The following CCDC171 variants were observed in gnomAD, a reference collection of about 807,000 sequenced individuals.
CCDC171 encodes the protein coiled-coil domain containing 171.
CCDC171 carries 177 observed loss-of-function variants against 168.2 expected under a neutral mutation model. That is an observed-to-expected ratio of 1.05 (90% confidence interval 0.93 to 1.19). The LOEUF (loss-of-function observed/expected upper bound fraction) is 1.19, where lower values mean the gene tolerates loss of function less well. CCDC171 is among the 50% of genes most tolerant of loss of function. CCDC171 has a pLI of 0.00. For synonymous variants in CCDC171, 687 were observed against 540.8 expected, an observed-to-expected ratio of 1.27 and a Z score of -3.75; for missense variants, 1,991 against 1,539.0, an observed-to-expected ratio of 1.29 and a Z score of -4.91.
At chr9:15,817,827 G>T (rs1327318101) in intron 21 of CCDC171, among the ~76,000 whole-genome samples, 1 of 118,328 alleles carries the variant, frequency 8.5e-6, no homozygotes, top group Non-Finnish European at 1.9e-5. Context: ...GTCCCTGTCT[G>T]ACAGCTTTGA....
chr9:15,820,737 C>G lies in CCDC171; in HGVS notation c.3268-25965C>G, dbSNP rs1452034863. 1.7e-4 allele frequency among the ~76,000 whole-genome samples: 20 copies of G among 117,316 alleles called. 6 individuals are homozygous for G. The highest frequency in any genetic ancestry group is 1.5e-3 in the Admixed American group (18 of 12,392). The allele number at this position is 117,316 out of a possible 152,430, so 77.0% of individuals were successfully genotyped here. A position where few individuals can be genotyped will look rare whatever the true frequency, so the allele number is the denominator to read the frequency against. On this transcript the variant is annotated intron_variant, in intron 21 of 25. Transcript: ENST00000380701. Reference sequence around the variant, plus strand: ...AAAAGTCCAGGACCAGATGGATTCACAGCCGAATTCTACCAGAGGTACAGG... The same window carrying G: ...AAAAGTCCAGGACCAGATGGATTCAGAGCCGAATTCTACCAGAGGTACAGG...
chr9:15,832,908 A>G (rs1452997753), intron 21 of CCDC171, among the ~76,000 whole-genome samples: 1 of 147,170 alleles, frequency 6.8e-6, no homozygotes, highest in Non-Finnish European at 1.5e-5. Context: ...AATACGCGTT[A>G]GCCTAGCTCT....
At chr9:15,635,689 G>T (rs1487545952) in intron 7 of CCDC171, among the ~76,000 whole-genome samples, 1 of 152,050 alleles carries the variant, frequency 6.6e-6, no homozygotes, top group African/African-American at 2.4e-5. Context: ...GTTGACACTC[G>T]GTATTAACCA....
At chr9:16,007,269 G>T (rs543568539) in intron 3 of CCDC171, among the ~76,000 whole-genome samples, 151 of 151,870 alleles carry the variant, frequency 9.9e-4, no homozygotes, top group African/African-American at 2.7e-3. Context: ...GCCCACTTTT[G>T]GATGGGGTTG....
At chr9:15,990,603 A>G (rs957631200) in intron 3 of CCDC171, among the ~76,000 whole-genome samples, 8 of 152,208 alleles carry the variant, frequency 5.3e-5, no homozygotes, top group African/African-American at 1.7e-4. Flanking sequence ...AATGGGCTAA[A>G]TGCTCCAATT....
At chr9:16,021,903 G>A (rs1833175479) in intron 4 of CCDC171, among the ~76,000 whole-genome samples, 1 of 152,194 alleles carries the variant, frequency 6.6e-6, no homozygotes, top group South Asian at 2.1e-4. Flanking sequence ...ATGAGCATGT[G>A]GAATGAGGTA....
intron 21 of CCDC171, among the ~76,000 whole-genome samples, chr9:15,799,359 A>ATTATTTC (rs1407205789): frequency 2.0e-5 from 3 of 151,360 alleles, no homozygotes; most frequent in Non-Finnish European, 4.4e-5. Context: ...TCTGGTTTGC[A>ATTATTTC]TTATTTCTGA....
At chr9:16,095,899 T>TATATATACAC in the CCDC171 span, among the ~76,000 whole-genome samples, 8 of 140,200 alleles carry the variant, frequency 5.7e-5, no homozygotes, top group African/African-American at 2.2e-4. Context: ...TATATATATA[T>TATATATACAC]ACTGCCTCCA....
At chr9:15,912,903 G>A (rs141799845) in intron 24 of CCDC171, among the ~76,000 whole-genome samples, 126 of 152,306 alleles carry the variant, frequency 8.3e-4, no homozygotes, top group African/African-American at 3.0e-3. Flanking sequence ...GGATCATGGT[G>A]GATAAGCTTT....
chr9:16,094,993 C>G, the CCDC171 span, among the ~76,000 whole-genome samples: 6 of 152,262 alleles, frequency 3.9e-5, no homozygotes, highest in African/African-American at 1.2e-4. Flanking sequence ...TGGCCCATCT[C>G]CTCCTCCTGC....
chr9:15,962,905 G>A (rs1047596375), intron 25 of CCDC171, among the ~76,000 whole-genome samples: 7 of 150,012 alleles, frequency 4.7e-5, no homozygotes, highest in African/African-American at 1.5e-4. Context: ...TTATATATAT[G>A]TATATATATA....
At chr9:15,752,106 G>C (rs2055787718) in intron 18 of CCDC171, among the ~76,000 whole-genome samples, 1 of 152,146 alleles carries the variant, frequency 6.6e-6, no homozygotes, top group Non-Finnish European at 1.5e-5. Context: ...GATATGAACA[G>C]ACACTTCTCA....
intron 1 of CCDC171, among the ~76,000 whole-genome samples, chr9:15,554,960 A>G (rs1165313866): frequency 2.0e-5 from 3 of 152,250 alleles, no homozygotes; most frequent in East Asian, 1.9e-4. Context: ...AGGAATTTCT[A>G]TTTTTTCATC....
chr9:15,719,698 G>T (rs2053347818), intron 11 of CCDC171, among the ~76,000 whole-genome samples: 1 of 152,110 alleles, frequency 6.6e-6, no homozygotes, highest in Non-Finnish European at 1.5e-5. Context: ...GGTCAGTAAG[G>T]AGAGGGCATT....
chr9:16,089,715 A>G, the CCDC171 span, among the ~76,000 whole-genome samples: 1 of 152,010 alleles, frequency 6.6e-6, no homozygotes, highest in Non-Finnish European at 1.5e-5. Flanking sequence ...CAGAATCTAC[A>G]AAGAACTTAA....
intron 11 of CCDC171, among the ~76,000 whole-genome samples, chr9:15,709,626 A>G (rs1359472578): frequency 1.3e-5 from 2 of 152,190 alleles, no homozygotes; most frequent in Non-Finnish European, 2.9e-5. Flanking sequence ...TACAGGGAAA[A>G]ATAATCAAAT....
At chr9:15,572,957 G>A (rs182477376) in intron 3 of CCDC171, among the ~76,000 whole-genome samples, 3 of 152,146 alleles carry the variant, frequency 2.0e-5, no homozygotes, top group Non-Finnish European at 4.4e-5. Context: ...TCAGGAGTTC[G>A]AGATCAGCCT....
At chr9:15,968,036 G>C (rs191839847) in intron 25 of CCDC171, among the ~76,000 whole-genome samples, 10 of 152,274 alleles carry the variant, frequency 6.6e-5, no homozygotes, top group Admixed American at 5.9e-4. Context: ...TATTGAATGT[G>C]TCCAATTACT....
chr9:15,802,330 T>G (rs1281372704), intron 21 of CCDC171, among the ~76,000 whole-genome samples: 6 of 151,992 alleles, frequency 3.9e-5, no homozygotes, highest in Non-Finnish European at 1.5e-5. Flanking sequence ...GCCATTGTGG[T>G]TTGCTGTACA....
Sources: gnomAD v4.1 joint callset for allele counts (sites outside exome capture counted in the v4.1 genomes callset) on GRCh38, gnomAD v4.1.1 for gene constraint, MANE v1.5 for transcripts, NCBI Gene and HGNC (gene_info 2026-07-23, HGNC 2026-07-21) for gene names.